Variants in MSI2 observed in about 807,000 individuals in gnomAD.
MSI2 encodes the protein RNA-binding protein Musashi homolog 2.
MSI2 carries 17 observed loss-of-function variants against 45.6 expected under a neutral mutation model. The observed-to-expected ratio is 0.37, with a 90% CI of 0.26 to 0.56. The LOEUF (loss-of-function observed/expected upper bound fraction) is 0.56. MSI2 is among the 20% of genes least tolerant of loss of function. The pLI is 0.77. For synonymous variants in MSI2, 156 were observed against 158.2 expected, an observed-to-expected ratio of 0.99 and a Z score of 0.11; for missense variants, 293 against 444.2, an observed-to-expected ratio of 0.66 and a Z score of 3.06.
chr17:57,521,624 C>T (rs893827449), intron 6 of MSI2, among the ~76,000 whole-genome samples: 7 of 152,150 alleles, frequency 4.6e-5, no homozygotes, highest in African/African-American at 1.7e-4. Context: ...CAGCAGAAGG[C>T]CCATTAATAC....
At chr17:57,309,002 C>T (rs1369838056) in intron 5 of MSI2, among the ~76,000 whole-genome samples, 1 of 152,148 alleles carries the variant, frequency 6.6e-6, no homozygotes, top group Non-Finnish European at 1.5e-5. Flanking sequence ...TTGAGGGCTG[C>T]CTGTATTTTC....
chr17:57,653,960 A>G (rs1459448596), intron 11 of MSI2, among the ~76,000 whole-genome samples: 5 of 149,320 alleles, frequency 3.3e-5, no homozygotes, highest in African/African-American at 4.9e-5. Context: ...TTCGGGATCA[A>G]TGGTGTTTGA....
chr17:57,647,462 A>AG (rs11379079), intron 10 of MSI2, among the ~76,000 whole-genome samples: 1 of 149,208 alleles, frequency 6.7e-6, no homozygotes, highest in Non-Finnish European at 1.5e-5. Context: ...AAAAAAAAAA[A>AG]GTAAAGGAAA....
At chr17:57,597,382 G>A (rs1905346782) in intron 8 of MSI2, among the ~76,000 whole-genome samples, 1 of 148,192 alleles carries the variant, frequency 6.7e-6, no homozygotes, top group South Asian at 2.1e-4. Flanking sequence ...TATAACCTCT[G>A]CACTTTAGAA....
At chr17:57,419,966 T>A (rs899487815) in intron 6 of MSI2, among the ~76,000 whole-genome samples, 1 of 152,088 alleles carries the variant, frequency 6.6e-6, no homozygotes, top group Admixed American at 6.5e-5. Context: ...ATGAATCAAG[T>A]ATGGGGTATC....
At chr17:57,358,524 T>C (rs1290872593) in intron 5 of MSI2, among the ~76,000 whole-genome samples, 2 of 151,918 alleles carry the variant, frequency 1.3e-5, no homozygotes, top group Non-Finnish European at 2.9e-5. Flanking sequence ...TTGGAGAAGG[T>C]TGAGTATGAA....
At chr17:57,457,450 A>C (rs1006872325) in intron 6 of MSI2, among the ~76,000 whole-genome samples, 1 of 152,244 alleles carries the variant, frequency 6.6e-6, no homozygotes, top group Admixed American at 6.5e-5. Flanking sequence ...AGAGCTGGTT[A>C]AGGTAGGTAA....
chr17:57,490,549 A>G (rs2085850065), intron 6 of MSI2, among the ~76,000 whole-genome samples: 1 of 152,212 alleles, frequency 6.6e-6, no homozygotes, highest in South Asian at 2.1e-4. Flanking sequence ...GCATGCCTTT[A>G]TAAGAGGTCA....
intron 5 of MSI2, among the ~76,000 whole-genome samples, chr17:57,270,807 T>G (rs1379231641): frequency 6.6e-6 from 1 of 152,182 alleles, no homozygotes; most frequent in Non-Finnish European, 1.5e-5. Flanking sequence ...TCAGGGGACC[T>G]TATAACCGAG....
intron 7 of MSI2, among the ~76,000 whole-genome samples, chr17:57,570,378 C>T (rs1015612024): frequency 6.6e-6 from 1 of 152,130 alleles, no homozygotes; most frequent in African/African-American, 2.4e-5. Context: ...AGAAATTCTC[C>T]ACACTTTCAC....
chr17:57,495,517 A>C (rs1239981841), intron 6 of MSI2, among the ~76,000 whole-genome samples: 2 of 123,292 alleles, frequency 1.6e-5, no homozygotes, highest in African/African-American at 3.2e-5. Context: ...TGGGTGACAG[A>C]GCGAGACTCT....
intron 2 of MSI2, 132 bp from the exon 3 acceptor site, chr17:57,257,334 C>CA (rs1906876971): frequency 1.4e-5 from 9 of 623,384 alleles, no homozygotes; most frequent in African/African-American, 2.0e-5. Context: ...CCCGCGTGTG[C>CA]AAAAAATGCA....
chr17:57,303,646 G>A (rs891536129), intron 5 of MSI2, among the ~76,000 whole-genome samples: 2 of 152,106 alleles, frequency 1.3e-5, no homozygotes, highest in Non-Finnish European at 2.9e-5. Context: ...TGGCCTCAGC[G>A]GTCTGTTATT....
At chr17:57,518,379 C>T (rs1473973268) in intron 6 of MSI2, among the ~76,000 whole-genome samples, 1 of 152,176 alleles carries the variant, frequency 6.6e-6, no homozygotes, top group Non-Finnish European at 1.5e-5. Context: ...TCCGAGACTG[C>T]ATTGGCCACA....
chr17:57,691,200 C>CTCTCTCATCT, the MSI2 span, among the ~76,000 whole-genome samples: 1 of 140,206 alleles, frequency 7.1e-6, no homozygotes, highest in Admixed American at 7.2e-5. Context: ...CTCTCTCTCT[C>CTCTCTCATCT]ATCTATCTAT....
At chr17:57,686,417 A>T (rs1166612074), downstream of MSI2, among the ~76,000 whole-genome samples, 1 of 152,270 alleles carries the variant, frequency 6.6e-6, no homozygotes, top group Non-Finnish European at 1.5e-5. Flanking sequence ...AAGGAGTGAG[A>T]TCAATTGAAT....
intron 5 of MSI2, among the ~76,000 whole-genome samples, chr17:57,297,947 C>T (rs1911121855): frequency 6.6e-6 from 1 of 152,206 alleles, no homozygotes; most frequent in South Asian, 2.1e-4. Flanking sequence ...CTTTCCACCA[C>T]ATCTGCAGTT....
rs145988482 is a variant in MSI2 at position 57,542,762 on chromosome 17, T to A, written c.454+13038T>A. The stretch of plus-strand genomic sequence containing the variant: ...ACTTGGACCAGGTCTTTGAGCCTGG[T>A]CTGTGTCTGGGCAGTCTGGCACGTG... On this transcript the variant is annotated intron_variant, in intron 7 of 13. Coordinates refer to ENST00000284073, the MANE Select transcript of MSI2 (RefSeq NM_138962.4). 1.4e-3 allele frequency among the ~76,000 whole-genome samples: 207 copies of A among 152,296 alleles called. 1 individual carries two copies. The highest frequency in any genetic ancestry group is 4.8e-3 in the African/African-American group (201 of 41,576).
chr17:57,641,540 A>G (rs935220518), intron 10 of MSI2, among the ~76,000 whole-genome samples: 10 of 152,218 alleles, frequency 6.6e-5, no homozygotes, highest in East Asian at 3.8e-4. Context: ...TTTTGGGTAC[A>G]GGGAGAAGTG....
Sources: gnomAD v4.1 joint callset for allele counts (sites outside exome capture counted in the v4.1 genomes callset) on GRCh38, gnomAD v4.1.1 for gene constraint, MANE v1.5 for transcripts, NCBI Gene and HGNC (gene_info 2026-07-23, HGNC 2026-07-21) for gene names.